DYSF: variants seen among roughly 807,000 people sequenced by gnomAD.
DYSF encodes the protein dysferlin.
A neutral mutation model predicts 274.9 loss-of-function variants in DYSF; 212 were observed. The observed-to-expected ratio is 0.77, with a 90% CI of 0.69 to 0.86. The LOEUF (loss-of-function observed/expected upper bound fraction) is 0.86, where lower values mean the gene tolerates loss of function less well. Ranked by LOEUF, DYSF falls within the 40% of genes least tolerant of loss-of-function variation. The pLI, the probability that DYSF is intolerant of heterozygous loss-of-function variation, is 0.00. For synonymous variants in DYSF, 1,091 were observed against 1,078.7 expected (o/e 1.01, Z -0.22); for missense variants, 2,666 against 2,783.2 (o/e 0.96, Z 0.95).
chr2:71,602,534 T>C (rs962380642), intron 35 of DYSF: 1 of 468,178 alleles, frequency 2.1e-6, no homozygotes. Flanking sequence ...TTTCCCAGCG[T>C]CCCTCTGCAC....
chr2:71,511,968 C>G, intron 5 of DYSF, 47 bp downstream of exon 5: 6 of 1,234,592 alleles, frequency 4.9e-6, no homozygotes, highest in Non-Finnish European at 7.0e-6. Context: ...AGAAGGCCGG[C>G]AGTGGCACTT....
chr2:71,538,129 G>A (rs1019786144), intron 16 of DYSF, among the ~76,000 whole-genome samples: 1 of 152,196 alleles, frequency 6.6e-6, no homozygotes. Context: ...TCTCAACCTT[G>A]GCTTTCTCAT....
chr2:71,465,193 G>C (rs2081452238), upstream of DYSF, among the ~76,000 whole-genome samples: 1 of 152,180 alleles, frequency 6.6e-6, no homozygotes, highest in Non-Finnish European at 1.5e-5. Flanking sequence ...AAGAGAGTGA[G>C]AGAATCACTG....
chr2:71,674,183 C>G lies in DYSF; in HGVS notation c.5785-14C>G, dbSNP rs762269267. ...TGCTTCCTTGCATCCTTCTCTGTTC[C>G]TCTTCCGGGTCAGGATGCCTTCTGG... On this transcript the variant is annotated splice_polypyrimidine_tract_variant and intron_variant, in intron 51 of 55. Coordinates refer to ENST00000410020, the MANE Select transcript of DYSF (RefSeq NM_001130987.2). 1 of 1,612,970 alleles carries G rather than the reference C, an allele frequency of 6.2e-7. No homozygotes were observed. The highest frequency in any genetic ancestry group is 1.1e-5 in the South Asian group (1 of 91,050).
At chr2:71,470,427 A>C (rs905602245) in intron 1 of DYSF, among the ~76,000 whole-genome samples, 1 of 152,022 alleles carries the variant, frequency 6.6e-6, no homozygotes, top group Non-Finnish European at 1.5e-5. Flanking sequence ...AATCCCAGCA[A>C]TTTGGGAGGC....
At chr2:71,637,223 A>C (rs955469947) in intron 41 of DYSF, among the ~76,000 whole-genome samples, 1 of 151,938 alleles carries the variant, frequency 6.6e-6, no homozygotes, top group Non-Finnish European at 1.5e-5. Context: ...GAGGGGAGGG[A>C]TGTTGGTGAC....
upstream of DYSF, among the ~76,000 whole-genome samples, chr2:71,465,298 C>A (rs1170405639): frequency 6.6e-6 from 1 of 152,098 alleles, no homozygotes; most frequent in Non-Finnish European, 1.5e-5. Context: ...TTTGTAGGAA[C>A]AGGAGAGAAC....
At chr2:71,477,564 G>A (rs1027262993) in intron 1 of DYSF, among the ~76,000 whole-genome samples, 4 of 152,310 alleles carry the variant, frequency 2.6e-5, no homozygotes, top group African/African-American at 7.2e-5. Flanking sequence ...ATTAATGTAT[G>A]AGTGTAATTT....
At chr2:71,521,671 C>T (rs972230648) in intron 12 of DYSF, among the ~76,000 whole-genome samples, 2 of 152,112 alleles carry the variant, frequency 1.3e-5, no homozygotes, top group African/African-American at 4.8e-5. Flanking sequence ...GGTCTCCTGC[C>T]ATGCCTCGTG....
At chr2:71,502,664 C>T (rs1042820126) in intron 3 of DYSF, among the ~76,000 whole-genome samples, 1 of 152,170 alleles carries the variant, frequency 6.6e-6, no homozygotes, top group African/African-American at 2.4e-5. Context: ...GTATGGACCG[C>T]CCAGGGCCTC....
chr2:71,632,141 C>T (rs1362468348), intron 41 of DYSF, among the ~76,000 whole-genome samples: 2 of 152,210 alleles, frequency 1.3e-5, no homozygotes, highest in African/African-American at 2.4e-5. Context: ...GTCTTCCTAT[C>T]TCTATTGGTC....
Position 71,612,805 on chromosome 2 carries a change from A to G in DYSF, c.4386A>G (p.Pro1462=). The change falls in exon 39 of 56, where the codon CCA becomes CCG. Residue 1462 remains proline, a splice_region_variant and synonymous_variant. Transcript: ENST00000410020. ...SAESPSPQGG[P]DDVSLLSPGE... ...AGAGTCCATCCCCACAGGGTGGCCCAGGTAGGGGAAGGGGAGATGATGGGC... is the reference window on the plus strand; with the variant it reads ...AGAGTCCATCCCCACAGGGTGGCCCGGGTAGGGGAAGGGGAGATGATGGGC... 1 of 1,610,820 alleles carries G rather than the reference A, an allele frequency of 6.2e-7. No individual in the cohort carries two copies. Among genetic ancestry groups the G allele is most frequent in the Non-Finnish European group, 8.5e-7 (1 of 1,177,442 alleles).
At position 71,497,718 on chromosome 2, in the gene DYSF, G is replaced by A. The variant is rs913297493; in HGVS notation, c.240-5496G>A. The stretch of plus-strand genomic sequence containing the variant: ...CAATAATGAGATGAAGATGAACTGG[G>A]AAAGAAGAGAGTTTATTTCTGTAAT... On this transcript the variant is annotated intron_variant, in intron 3 of 55. Coordinates refer to ENST00000410020, the MANE Select transcript of DYSF (RefSeq NM_001130987.2). Among the ~76,000 whole-genome samples, 5 of 152,336 alleles carry A rather than the reference G, an allele frequency of 3.3e-5. No homozygotes were observed. In the South Asian group the frequency reaches 8.3e-4, roughly 25 times the overall value.
At chr2:71,676,737 A>G (rs182099216) in intron 52 of DYSF, among the ~76,000 whole-genome samples, 168 of 152,306 alleles carry the variant, frequency 1.1e-3, no homozygotes, top group Non-Finnish European at 1.8e-3. Flanking sequence ...AACGAATACT[A>G]GCTTTTATAT....
chr2:71,644,411 T>C (rs561183202), intron 42 of DYSF, among the ~76,000 whole-genome samples: 25 of 152,348 alleles, frequency 1.6e-4, no homozygotes, highest in Admixed American at 1.2e-3. Context: ...ACATTATTAA[T>C]ATTGCATGAC....
At chr2:71,526,405 T>TGGGGGGGGGGGGGGGGGG in intron 13 of DYSF, 59 bp downstream of exon 13, 4 of 370,362 alleles carry the variant, frequency 1.1e-5, no homozygotes, top group Admixed American at 5.7e-5. Flanking sequence ...GCAGGGCTGG[T>TGGGGGGGGGGGGGGGGGG]GGGGGTGGGC....
chr2:71,634,730 C>T (rs931435513), intron 41 of DYSF, among the ~76,000 whole-genome samples: 13 of 152,118 alleles, frequency 8.5e-5, no homozygotes, highest in African/African-American at 2.7e-4. Context: ...CCTCCTTAAC[C>T]CTGGGAGGCA....
intron 13 of DYSF, among the ~76,000 whole-genome samples, chr2:71,526,725 G>T (rs1057195625): frequency 6.6e-6 from 1 of 152,234 alleles, no homozygotes; most frequent in Non-Finnish European, 1.5e-5. Context: ...GGCAGAGCTG[G>T]GCTGGGGAGC....
At chr2:71,661,832 G>A (rs1241545014) in intron 45 of DYSF, among the ~76,000 whole-genome samples, 1 of 152,208 alleles carries the variant, frequency 6.6e-6, no homozygotes, top group Non-Finnish European at 1.5e-5. Context: ...TCTCCTTGGG[G>A]AAATGCAGCT....
Sources: allele counts gnomAD v4.1 joint callset (sites outside exome capture counted in the v4.1 genomes callset), GRCh38; gene constraint gnomAD v4.1.1; transcripts MANE v1.5; gene names NCBI Gene and HGNC (gene_info 2026-07-23, HGNC 2026-07-21).